Variants in PAK5 observed in about 807,000 individuals in gnomAD.
PAK5 encodes p21 (RAC1) activated kinase 5, also known as serine/threonine-protein kinase PAK 5.
PAK5 carries 16 observed loss-of-function variants against 65.9 expected under a neutral mutation model. That is an observed-to-expected ratio of 0.24 (90% CI 0.16 to 0.37). The LOEUF (loss-of-function observed/expected upper bound fraction) is 0.37. PAK5 is among the 10% of genes least tolerant of loss of function. The pLI is 1.00. For missense variants in PAK5, 785 were observed against 903.9 expected (o/e 0.87, Z 1.69); for synonymous variants, 371 against 354.9 (o/e 1.05, Z -0.51).
chr20:9,741,881 A>C (rs892461188), intron 1 of PAK5, among the ~76,000 whole-genome samples: 5 of 151,536 alleles, frequency 3.3e-5, no homozygotes, highest in Non-Finnish European at 5.9e-5. Flanking sequence ...AAAAAAAAAA[A>C]CTCCTCCCTC....
intron 1 of PAK5, among the ~76,000 whole-genome samples, chr20:9,837,727 T>C (rs1334617450): frequency 6.6e-6 from 1 of 152,200 alleles, no homozygotes; most frequent in Non-Finnish European, 1.5e-5. Flanking sequence ...TAAGACCCTG[T>C]GGCTATGTCT....
At chr20:9,782,012 T>C (rs1212530121) in intron 1 of PAK5, among the ~76,000 whole-genome samples, 1 of 152,048 alleles carries the variant, frequency 6.6e-6, no homozygotes, top group African/African-American at 2.4e-5. Flanking sequence ...TCCCTCAGAG[T>C]AAAATCTGTC....
At chr20:9,696,682 G>A (rs981980718) in intron 2 of PAK5, among the ~76,000 whole-genome samples, 2 of 152,232 alleles carry the variant, frequency 1.3e-5, no homozygotes, top group South Asian at 2.1e-4. Flanking sequence ...AATAATCAGA[G>A]TAAGAAAATT....
At chr20:9,807,762 A>AAATAATAATAAT (rs71184158) in intron 1 of PAK5, among the ~76,000 whole-genome samples, 38,871 of 142,052 alleles carry the variant, frequency 0.27, 5,573 homozygotes, top group Middle Eastern at 0.36. Flanking sequence ...AGCAAAAAAT[A>AAATAATAATAAT]AATAATAATA....
At chr20:9,810,721 C>T (rs1600399102) in intron 1 of PAK5, among the ~76,000 whole-genome samples, 1 of 152,130 alleles carries the variant, frequency 6.6e-6, no homozygotes, top group Non-Finnish European at 1.5e-5. Context: ...TCTGCTATTA[C>T]CCTAATGGAG....
intron 1 of PAK5, among the ~76,000 whole-genome samples, chr20:9,778,401 C>T (rs928967389): frequency 2.0e-5 from 3 of 152,070 alleles, no homozygotes; most frequent in African/African-American, 7.2e-5. Context: ...CCATGCCTGG[C>T]TAATTTTTTA....
At chr20:9,557,763 A>T in intron 6 of PAK5, 29 bp from the exon 7 acceptor site, 1 of 1,599,030 alleles carries the variant, frequency 6.3e-7, no homozygotes, top group Non-Finnish European at 8.6e-7. Flanking sequence ...TTAAGGAACA[A>T]GACAGGTTTA....
Position 9,678,440 on chromosome 20 carries a change from G to A in PAK5, c.-12+32846C>T, listed in dbSNP as rs558616053. 2.9e-4 allele frequency among the ~76,000 whole-genome samples: 44 copies of A among 152,244 alleles called. No homozygotes were observed. The East Asian group carries it at 8.2e-3, about 28-fold the overall frequency. On this transcript the variant is annotated intron_variant, in intron 2 of 9. Coordinates refer to ENST00000353224, the MANE Select transcript of PAK5 (RefSeq NM_177990.4). ...AAATTAGCCGGGCATTGTGGCAGGC[G>A]CCTGTAGTCCCAGCTACGCAGGAGG...
intron 2 of PAK5, among the ~76,000 whole-genome samples, chr20:9,691,909 A>G (rs2047803056): frequency 6.6e-6 from 1 of 152,192 alleles, no homozygotes; most frequent in African/African-American, 2.4e-5. Flanking sequence ...AGGATTTGAC[A>G]GGCAATCACA....
intron 3 of PAK5, among the ~76,000 whole-genome samples, chr20:9,581,991 T>G (rs1327825311): frequency 6.6e-6 from 1 of 152,224 alleles, no homozygotes; most frequent in East Asian, 1.9e-4. Flanking sequence ...GATCTATCCA[T>G]GGTGAAACAA....
At chr20:9,669,153 C>G (rs574027047) in intron 2 of PAK5, among the ~76,000 whole-genome samples, 1 of 152,144 alleles carries the variant, frequency 6.6e-6, no homozygotes, top group African/African-American at 2.4e-5. Flanking sequence ...ACACACACAG[C>G]AAATATTCAA....
chr20:9,825,559 T>C (rs570133490), intron 1 of PAK5, among the ~76,000 whole-genome samples: 1 of 152,190 alleles, frequency 6.6e-6, no homozygotes, highest in African/African-American at 2.4e-5. Context: ...TAAGACCATA[T>C]GATTTCTTTT....
At chr20:9,594,808 T>G (rs542738206) in intron 3 of PAK5, among the ~76,000 whole-genome samples, 5 of 152,328 alleles carry the variant, frequency 3.3e-5, no homozygotes, top group Non-Finnish European at 5.9e-5. Flanking sequence ...TTTAATCAAC[T>G]TCTGCTTCGA....
In PAK5 at chr20:9,580,729, C is replaced by T. The variant is rs774715756; in HGVS notation, c.406G>A (p.Asp136Asn). The change falls in exon 4 of 10, where the codon GAT becomes AAT. Residue 136 changes from aspartate (D) to asparagine (N), a missense_variant. Coordinates refer to ENST00000353224, the MANE Select transcript of PAK5 (RefSeq NM_177990.4). ...ITFSQYSSES[D>N]TTADYTTEKY... The stretch of plus-strand genomic sequence containing the variant: ...TCGGTCGTGTAGTCAGCAGTAGTAT[C>T]GGATTCGCTGGAATACTGGGAGAAG... 9.3e-6 allele frequency: 15 copies of T among 1,613,804 alleles called. No homozygotes were observed. In the African/African-American group the frequency reaches 1.2e-4, roughly 13 times the overall value.
chr20:9,670,069 G>A (rs12329531), intron 2 of PAK5, among the ~76,000 whole-genome samples: 27,810 of 151,956 alleles, frequency 0.18, 2,910 homozygotes, highest in East Asian at 0.4. Context: ...ATGGTTTCCA[G>A]CTTCATCCAT....
At chr20:9,795,901 C>G (rs1264331753) in intron 1 of PAK5, among the ~76,000 whole-genome samples, 1 of 151,958 alleles carries the variant, frequency 6.6e-6, no homozygotes, top group Non-Finnish European at 1.5e-5. Flanking sequence ...TGAGGTTTAG[C>G]AATTTGCTTT....
At chr20:9,661,674 A>C (rs941348965) in intron 2 of PAK5, among the ~76,000 whole-genome samples, 5 of 152,220 alleles carry the variant, frequency 3.3e-5, no homozygotes, top group African/African-American at 1.2e-4. Flanking sequence ...CTCAAGATAA[A>C]ATATAAGTTT....
At chr20:9,727,181 C>T (rs543587841) in intron 1 of PAK5, among the ~76,000 whole-genome samples, 12 of 152,154 alleles carry the variant, frequency 7.9e-5, no homozygotes, top group African/African-American at 2.9e-4. Context: ...GGTAGGAAAA[C>T]ATAAATTATT....
chr20:9,539,700 TCAA>T, intron 9 of PAK5, 83 bp from the exon 10 acceptor site: 1 of 1,090,472 alleles, frequency 9.2e-7, no homozygotes, highest in East Asian at 2.4e-5. Flanking sequence ...ATTCATCCTA[TCAA>T]CAACTTCAAA....
Sources: gnomAD v4.1 joint callset for allele counts (sites outside exome capture counted in the v4.1 genomes callset) on GRCh38, gnomAD v4.1.1 for gene constraint, MANE v1.5 for transcripts, NCBI Gene and HGNC (gene_info 2026-07-23, HGNC 2026-07-21) for gene names.